INPP5D: variants seen among roughly 807,000 people sequenced by gnomAD.
INPP5D encodes the protein phosphatidylinositol 3,4,5-trisphosphate 5-phosphatase 1.
INPP5D carries 33 observed loss-of-function variants against 122.9 expected under a neutral mutation model. The ratio of observed to expected loss-of-function variants is 0.27; its 90% confidence interval spans 0.20 to 0.36. The LOEUF (loss-of-function observed/expected upper bound fraction) is 0.36. Ranked by LOEUF, INPP5D falls within the 10% of genes least tolerant of loss-of-function variation. INPP5D has a pLI of 1.00. For synonymous variants in INPP5D, 584 were observed against 576.2 expected, an observed-to-expected ratio of 1.01 and a Z score of -0.19; for missense variants, 1,053 against 1,412.7, an observed-to-expected ratio of 0.75 and a Z score of 4.08.
chr2:233,170,048 A>G lies in INPP5D; in HGVS notation c.1675A>G (p.Ile559Val). The G allele has an allele frequency of 3.1e-6, 5 of 1,613,944 alleles. No individual in the cohort carries two copies. The highest frequency in any genetic ancestry group is 4.2e-6 in the Non-Finnish European group (5 of 1,179,886). ...KLRRNQNYMNILRFLALGDKK... is the reference protein window; with the variant it reads ...KLRRNQNYMNVLRFLALGDKK... ...TAGGCGAAACCAAAACTATATGAAC[A>G]TTCTCCGGTTCCTGGCCCTGGGCGA... is the stretch of plus-strand genomic sequence containing the variant. Residue 559 changes from isoleucine to valine, a missense_variant, in exon 15 of 27, where the codon ATT becomes GTT. This residue lies in a region of INPP5D where 258 missense variants were observed against 439.1 expected (regional missense o/e 0.59). Transcript: ENST00000445964. The surrounding 1 kb of genome is among the most constrained non-coding windows in gnomAD (Gnocchi z 4.5).
chr2:233,068,918 G>C (rs973214040), intron 1 of INPP5D, among the ~76,000 whole-genome samples: 6 of 152,220 alleles, frequency 3.9e-5, no homozygotes, highest in African/African-American at 1.4e-4. Flanking sequence ...GAGGCACACA[G>C]AGTGAAACCA....
intron 2 of INPP5D, among the ~76,000 whole-genome samples, chr2:233,089,142 G>A (rs1691926456): frequency 6.6e-6 from 1 of 152,134 alleles, no homozygotes; most frequent in Non-Finnish European, 1.5e-5. Context: ...GTGGATGCCT[G>A]GGGTCCCAAC....
At chr2:233,084,661 G>A (rs776240209) in intron 2 of INPP5D, among the ~76,000 whole-genome samples, 4 of 152,272 alleles carry the variant, frequency 2.6e-5, no homozygotes, top group Non-Finnish European at 5.9e-5. Context: ...AGTGGCAGCT[G>A]TTATTGTTCT....
At chr2:233,166,930 G>C (rs1270499071) in intron 13 of INPP5D, among the ~76,000 whole-genome samples, 1 of 151,846 alleles carries the variant, frequency 6.6e-6, no homozygotes, top group African/African-American at 2.4e-5. Context: ...GTTGCAGTGA[G>C]CTGAGATCAT....
At chr2:233,150,335 C>T (rs1249440021) in intron 9 of INPP5D, among the ~76,000 whole-genome samples, 2 of 152,206 alleles carry the variant, frequency 1.3e-5, no homozygotes, top group Admixed American at 1.3e-4. Context: ...AGCTCTCTTG[C>T]CTGCCACCAT....
At chr2:233,192,079 C>T in intron 22 of INPP5D, among the ~76,000 whole-genome samples, 1 of 152,144 alleles carries the variant, frequency 6.6e-6, no homozygotes, top group East Asian at 1.9e-4. Context: ...GTTCCCAGTG[C>T]AGCACTGGCA....
intron 18 of INPP5D, among the ~76,000 whole-genome samples, chr2:233,181,556 G>A (rs764189000): frequency 2.0e-5 from 3 of 152,106 alleles, no homozygotes; most frequent in African/African-American, 4.8e-5. Flanking sequence ...CATCTCCAAC[G>A]GGCTATCTTG....
chr2:233,203,625 C>T (rs191359136), intron 25 of INPP5D, among the ~76,000 whole-genome samples: 1 of 152,184 alleles, frequency 6.6e-6, no homozygotes, highest in Non-Finnish European at 1.5e-5. Flanking sequence ...GGCACAGTGG[C>T]TTATGCCCAT....
At chr2:233,086,846 C>T (rs1424091863) in intron 2 of INPP5D, among the ~76,000 whole-genome samples, 9 of 152,086 alleles carry the variant, frequency 5.9e-5, no homozygotes, top group Admixed American at 5.9e-4. Context: ...CACCAAATGC[C>T]CATGAGCCAC....
At chr2:233,091,783 C>T (rs768451285) in intron 2 of INPP5D, among the ~76,000 whole-genome samples, 1 of 152,172 alleles carries the variant, frequency 6.6e-6, no homozygotes, top group Non-Finnish European at 1.5e-5. Context: ...ATTTTTTCTA[C>T]CGCAGCAACT....
At chr2:233,151,079 T>C (rs150521622) in intron 9 of INPP5D, among the ~76,000 whole-genome samples, 78,668 of 151,846 alleles carry the variant, frequency 0.52, 20,984 homozygotes, top group East Asian at 0.67. Context: ...GGAGCTGTTG[T>C]TGCTGAGAAG....
At chr2:233,132,114 G>C (rs1693345176) in intron 5 of INPP5D, among the ~76,000 whole-genome samples, 2 of 152,172 alleles carry the variant, frequency 1.3e-5, no homozygotes, top group South Asian at 4.1e-4. Flanking sequence ...TGTTCCATTT[G>C]ATGCTGTTGT....
At position 233,188,345 on chromosome 2, in the gene INPP5D, G is replaced by A. The variant is rs1392897192; in HGVS notation, c.2359-1505G>A. 6.6e-6 allele frequency among the ~76,000 whole-genome samples: 1 copy of A among 151,982 alleles called. No individual in the cohort carries two copies. Among genetic ancestry groups the A allele is most frequent in the African/African-American group, 2.4e-5 (1 of 41,352 alleles). On this transcript the variant is annotated intron_variant, in intron 21 of 26. Coordinates refer to ENST00000445964, the MANE Select transcript of INPP5D (RefSeq NM_001017915.3). The surrounding 1 kb of genome is among the most constrained non-coding windows in gnomAD (Gnocchi z 4.7). The stretch of plus-strand genomic sequence containing the variant: ...CCCTGCCACCGCCTGCCAGGGTGGT[G>A]GTGTCGCACAGAGACATTTGTTGTT...
intron 25 of INPP5D, among the ~76,000 whole-genome samples, chr2:233,201,873 C>G (rs1019586704): frequency 1.3e-5 from 2 of 152,160 alleles, no homozygotes; most frequent in Non-Finnish European, 2.9e-5. Context: ...CCCTAGATAT[C>G]GGTTCCCTTA....
intron 5 of INPP5D, among the ~76,000 whole-genome samples, chr2:233,136,196 G>A (rs1482993988): frequency 6.6e-6 from 1 of 152,206 alleles, no homozygotes; most frequent in East Asian, 1.9e-4. Flanking sequence ...GTAAATAGAA[G>A]GCCGGGCCTA....
At position 233,160,826 on chromosome 2, in the gene INPP5D, G is replaced by A. The variant is rs1694180128; in HGVS notation, c.1138-898G>A. Among the ~76,000 whole-genome samples, 1 of 152,016 alleles carries A rather than the reference G, an allele frequency of 6.6e-6. No homozygotes were observed. The highest frequency in any genetic ancestry group is 1.5e-5 in the Non-Finnish European group (1 of 68,008). Reference sequence around the variant, plus strand: ...ATTTTTTTATTTTTTGTAGAGGCAGGGTTCCCCTATGTTGCCCAGGCTGGT... The same window carrying A: ...ATTTTTTTATTTTTTGTAGAGGCAGAGTTCCCCTATGTTGCCCAGGCTGGT... On this transcript the variant is annotated intron_variant, in intron 10 of 26. Transcript: ENST00000445964. This position sits in a 1 kb window ranked among gnomAD's most constrained non-coding sequence, Gnocchi z 4.2.
chr2:233,179,326 C>A (rs1694726617), intron 18 of INPP5D, among the ~76,000 whole-genome samples: 1 of 152,266 alleles, frequency 6.6e-6, no homozygotes, highest in Non-Finnish European at 1.5e-5. Flanking sequence ...CAATACTGTC[C>A]TTCCCACATC....
rs778668849 is a variant in INPP5D at position 233,188,688 on chromosome 2, A to T, written c.2359-1162A>T. ...GCGATTTGCCTGTCTCAGCCTCCCG[A>T]GTACCTGGGACGACAGGCACGCCCC... On this transcript the variant is annotated intron_variant, in intron 21 of 26. Transcript: ENST00000445964. The surrounding 1 kb of genome is among the most constrained non-coding windows in gnomAD (Gnocchi z 4.7). Among the ~76,000 whole-genome samples, 35 of 152,132 alleles carry T rather than the reference A, an allele frequency of 2.3e-4. No individual in the cohort carries two copies. Among genetic ancestry groups the T allele is most frequent in the Non-Finnish European group, 4.6e-4 (31 of 68,016 alleles).
At chr2:233,201,781 G>T (rs1695347098) in intron 25 of INPP5D, among the ~76,000 whole-genome samples, 1 of 152,076 alleles carries the variant, frequency 6.6e-6, no homozygotes, top group Non-Finnish European at 1.5e-5. Flanking sequence ...TCAGCCCCTG[G>T]CCAGTGCTTA....
Sources: gnomAD v4.1 joint callset for allele counts (sites outside exome capture counted in the v4.1 genomes callset) on GRCh38, gnomAD v4.1.1 for gene constraint, gnomAD v4.1.1 regional missense constraint, Gnocchi (gnomAD v3.1) non-coding constraint, MANE v1.5 for transcripts, NCBI Gene and HGNC (gene_info 2026-07-23, HGNC 2026-07-21) for gene names.